The following MAP2K4 variants were observed in gnomAD, a reference collection of about 807,000 sequenced individuals.
The protein encoded by MAP2K4 is dual specificity mitogen-activated protein kinase kinase 4.
Under a neutral mutation model 48.5 loss-of-function variants are expected in MAP2K4, and 4 were observed. The observed-to-expected ratio is 0.08, with a 90% CI of 0.04 to 0.19. MAP2K4 has a LOEUF of 0.19. MAP2K4 is among the 10% of genes least tolerant of loss of function. The pLI is 1.00. For synonymous variants in MAP2K4, 166 were observed against 173.1 expected (o/e 0.96, Z 0.32); for missense variants, 258 against 493.3 (o/e 0.52, Z 4.52).
At chr17:12,129,592 T>G (rs754049172) in intron 9 of MAP2K4, among the ~76,000 whole-genome samples, 82 of 152,358 alleles carry the variant, frequency 5.4e-4, no homozygotes, top group Admixed American at 1.3e-3. Context: ...TAGGTGAGAC[T>G]GATCATCTTA....
At chr17:12,024,117 T>G (rs1249828815) in intron 1 of MAP2K4, among the ~76,000 whole-genome samples, 2 of 152,210 alleles carry the variant, frequency 1.3e-5, no homozygotes, top group Non-Finnish European at 2.9e-5. Context: ...CCTTTCAGAG[T>G]ATCCTAGATG....
chr17:12,024,785 C>A (rs1396724268), intron 1 of MAP2K4, among the ~76,000 whole-genome samples: 2 of 152,144 alleles, frequency 1.3e-5, no homozygotes, highest in African/African-American at 2.4e-5. Context: ...GAAATTTTAG[C>A]CAACCTAAAG....
At chr17:12,135,524 G>C (rs1037768423) in intron 9 of MAP2K4, among the ~76,000 whole-genome samples, 1 of 152,144 alleles carries the variant, frequency 6.6e-6, no homozygotes, top group Admixed American at 6.5e-5. Flanking sequence ...GTGAGCCACT[G>C]TACCTGGCCT....
intron 8 of MAP2K4, among the ~76,000 whole-genome samples, chr17:12,128,146 C>T (rs1316843375): frequency 6.6e-6 from 1 of 152,216 alleles, no homozygotes; most frequent in East Asian, 1.9e-4. Context: ...GGCGCAATCT[C>T]GGCTCACTGC....
intron 4 of MAP2K4, among the ~76,000 whole-genome samples, chr17:12,102,971 A>G (rs183566510): frequency 1.1e-4 from 17 of 150,456 alleles, no homozygotes; most frequent in South Asian, 2.1e-4. Context: ...AGGTTTATCA[A>G]TGTTATTGAT....
intron 7 of MAP2K4, among the ~76,000 whole-genome samples, chr17:12,115,000 A>G (rs977603358): frequency 5.3e-5 from 8 of 152,196 alleles, no homozygotes; most frequent in Admixed American, 4.6e-4. Flanking sequence ...CCTGTTATAG[A>G]TAGACAAGAA....
At chr17:12,102,511 T>G (rs1971967267) in intron 4 of MAP2K4, among the ~76,000 whole-genome samples, 1 of 152,154 alleles carries the variant, frequency 6.6e-6, no homozygotes, top group Non-Finnish European at 1.5e-5. Context: ...TTTGTCTGAC[T>G]TGCATCATTG....
chr17:12,110,299 T>G, intron 5 of MAP2K4, 76 bp from the exon 6 acceptor site: 1 of 974,672 alleles, frequency 1.0e-6, no homozygotes, highest in Non-Finnish European at 1.7e-6. Flanking sequence ...CACGGGATAT[T>G]ACTTGTGATA....
At chr17:12,026,789 A>C (rs1184744924) in intron 1 of MAP2K4, 1 of 152,232 alleles carries the variant, frequency 6.6e-6, no homozygotes, top group Non-Finnish European at 1.5e-5. Flanking sequence ...GCTCCAAGCA[A>C]CCAGCCACCT....
chr17:12,076,901 A>T (rs574435213), intron 2 of MAP2K4, among the ~76,000 whole-genome samples: 1 of 152,090 alleles, frequency 6.6e-6, no homozygotes, highest in South Asian at 2.1e-4. Context: ...TCTTAATCAA[A>T]TTGTATTGCT....
intron 7 of MAP2K4, among the ~76,000 whole-genome samples, chr17:12,122,144 G>A (rs933111612): frequency 4.6e-5 from 7 of 152,342 alleles, no homozygotes; most frequent in South Asian, 2.1e-4. Flanking sequence ...TACAGATAAA[G>A]TTTTAAATAT....
chr17:12,028,419 T>G (rs1021412474), intron 1 of MAP2K4, among the ~76,000 whole-genome samples: 3 of 152,158 alleles, frequency 2.0e-5, no homozygotes, highest in Non-Finnish European at 4.4e-5. Context: ...CTGAAAGAAA[T>G]AAACCATCAG....
At chr17:12,099,266 T>G (rs148196460) in intron 4 of MAP2K4, among the ~76,000 whole-genome samples, 51 of 152,184 alleles carry the variant, frequency 3.4e-4, no homozygotes, top group Non-Finnish European at 6.9e-4. Context: ...CACTGTCTAT[T>G]GTGTATATAT....
At chr17:12,071,768 C>T (rs1970817350) in intron 2 of MAP2K4, among the ~76,000 whole-genome samples, 1 of 152,074 alleles carries the variant, frequency 6.6e-6, no homozygotes, top group Admixed American at 6.5e-5. Context: ...AGAAGGTACA[C>T]ACCAATGTAT....
At chr17:12,044,090 A>C (rs923028854) in intron 1 of MAP2K4, among the ~76,000 whole-genome samples, 2 of 152,164 alleles carry the variant, frequency 1.3e-5, no homozygotes, top group Non-Finnish European at 2.9e-5. Flanking sequence ...CACTCCTGTC[A>C]CTCAGGAGAT....
chr17:12,065,760 A>G (rs1438319285), intron 2 of MAP2K4, among the ~76,000 whole-genome samples: 2 of 152,084 alleles, frequency 1.3e-5, no homozygotes, highest in South Asian at 4.1e-4. Flanking sequence ...ATAGTGATAG[A>G]TTTTTTTACT....
At chr17:12,049,546 T>G (rs1970069704) in intron 1 of MAP2K4, among the ~76,000 whole-genome samples, 2 of 152,244 alleles carry the variant, frequency 1.3e-5, no homozygotes, top group African/African-American at 2.4e-5. Context: ...ATGTATTTAG[T>G]AGGTCTATTA....
At chr17:12,045,857 C>T (rs1477855320) in intron 1 of MAP2K4, among the ~76,000 whole-genome samples, 1 of 152,168 alleles carries the variant, frequency 6.6e-6, no homozygotes, top group Non-Finnish European at 1.5e-5. Context: ...TTGATATACT[C>T]ACAAGTTCGA....
At chr17:12,136,136 A>G (rs1973201428) in intron 9 of MAP2K4, among the ~76,000 whole-genome samples, 1 of 152,242 alleles carries the variant, frequency 6.6e-6, no homozygotes, top group African/African-American at 2.4e-5. Flanking sequence ...CAAATCATTC[A>G]GCCTAGGACT....
Sources: allele counts gnomAD v4.1 joint callset (sites outside exome capture counted in the v4.1 genomes callset), GRCh38; gene constraint gnomAD v4.1.1; transcripts MANE v1.5; gene names NCBI Gene and HGNC (gene_info 2026-07-23, HGNC 2026-07-21).